Variants in DRD2 observed in about 807,000 individuals in gnomAD.
DRD2 encodes D(2) dopamine receptor.
In DRD2, 8 loss-of-function variants were observed where a neutral mutation model predicts 38.0. The ratio of observed to expected loss-of-function variants is 0.21; its 90% CI spans 0.12 to 0.38. The LOEUF is 0.38. Ranked by LOEUF, DRD2 falls within the 10% of genes least tolerant of loss-of-function variation. The probability of loss-of-function intolerance (pLI) is 1.00; values close to 1 mark genes in which losing one functional copy is unlikely to be tolerated. For synonymous variants in DRD2, 230 were observed against 238.6 expected (o/e 0.96, Z 0.33); for missense variants, 403 against 607.7 (o/e 0.66, Z 3.54).
intron 1 of DRD2, among the ~76,000 whole-genome samples, chr11:113,452,575 T>G (rs537131600): frequency 6.6e-6 from 1 of 151,664 alleles, no homozygotes; most frequent in East Asian, 2.0e-4. Context: ...TCTTCTGGAA[T>G]TCTTCCCTGA....
chr11:113,424,769 A>G, intron 1 of DRD2, 87 bp from the exon 2 acceptor site: 6 of 1,325,262 alleles, frequency 4.5e-6, no homozygotes, highest in Non-Finnish European at 6.3e-6. Flanking sequence ...GGCATTTAAT[A>G]ATGAGAATTT....
At chr11:113,442,292 A>G (rs1420510810) in intron 1 of DRD2, among the ~76,000 whole-genome samples, 1 of 152,170 alleles carries the variant, frequency 6.6e-6, no homozygotes, top group Non-Finnish European at 1.5e-5. Flanking sequence ...GGTTTCACTC[A>G]GTTTACATTA....
At chr11:113,427,524 A>G (rs1419087436) in intron 1 of DRD2, among the ~76,000 whole-genome samples, 1 of 152,180 alleles carries the variant, frequency 6.6e-6, no homozygotes, top group Non-Finnish European at 1.5e-5. Context: ...GAATGAACAA[A>G]TAAAAACCAT....
At chr11:113,426,217 T>G (rs1161389282) in intron 1 of DRD2, among the ~76,000 whole-genome samples, 1 of 151,830 alleles carries the variant, frequency 6.6e-6, no homozygotes, top group Non-Finnish European at 1.5e-5. Flanking sequence ...AGCAGGGAGA[T>G]AAGGAGTTGA....
chr11:113,420,261 T>C (rs1950872881), intron 2 of DRD2, among the ~76,000 whole-genome samples: 1 of 152,230 alleles, frequency 6.6e-6, no homozygotes. Context: ...CAAATTACTG[T>C]GTTCCAGCCT....
At position 113,416,867 on chromosome 11, in the gene DRD2, G is replaced by A. The variant is rs533098066; in HGVS notation, c.528C>T (p.Asn176=). The A allele has an allele frequency of 5.3e-5, 86 of 1,613,934 alleles. No individual in the cohort carries two copies. The highest frequency in any genetic ancestry group is 6.0e-5 in the Non-Finnish European group (71 of 1,179,896). The stretch of plus-strand genomic sequence containing the variant: ...GCAAACAAAAGCAGAATGTACCTGC[G>A]TTATTGAGTCCGAAGAGGAGTGGGC... ...ISCPLLFGLN[N]ADQNECIIAN... The change falls in exon 4 of 8, where the codon AAC becomes AAT. Residue 176 remains asparagine (N), a synonymous_variant. Transcript: ENST00000362072.
At chr11:113,413,985 T>G in intron 6 of DRD2, 1 of 329,382 alleles carries the variant, frequency 3.0e-6, no homozygotes, top group Non-Finnish European at 6.0e-6. Context: ...GACGGGTGAG[T>G]TGCCTAATCT....
intron 1 of DRD2, among the ~76,000 whole-genome samples, chr11:113,447,392 C>T (rs534177716): frequency 6.6e-6 from 1 of 150,702 alleles, no homozygotes; most frequent in South Asian, 2.1e-4. Context: ...ACACAGAATG[C>T]TTGGTATGGG....
chr11:113,421,090 C>A (rs1008628047), intron 2 of DRD2, among the ~76,000 whole-genome samples: 5 of 152,146 alleles, frequency 3.3e-5, no homozygotes, highest in Non-Finnish European at 7.3e-5. Context: ...AATGACATAA[C>A]CACCTCTCCT....
In DRD2 at chr11:113,412,875, G is replaced by C; in HGVS notation, c.819C>G (p.Ala273=). The change falls in exon 7 of 8, where the codon GCC becomes GCG. Residue 273 remains alanine (A), a synonymous_variant. Transcript: ENST00000362072. ...FPVNRRRVEA[A]RRAQELEMEM... ...CCATCTCCAGCTCCTGGGCTCGCCG[G>C]GCAGCCTCCTGCACCAGAGGCAGAG... 1.2e-6 allele frequency: 2 copies of C among 1,611,238 alleles called. No homozygotes were observed. The highest frequency in any genetic ancestry group is 1.7e-6 in the Non-Finnish European group (2 of 1,179,768).
chr11:113,451,868 T>G (rs1319922127), intron 1 of DRD2, among the ~76,000 whole-genome samples: 1 of 152,246 alleles, frequency 6.6e-6, no homozygotes, highest in Non-Finnish European at 1.5e-5. Flanking sequence ...AACAGATTTT[T>G]AATCTTTTGA....
chr11:113,449,032 T>C (rs534324811), intron 1 of DRD2, among the ~76,000 whole-genome samples: 14 of 152,192 alleles, frequency 9.2e-5, no homozygotes, highest in Non-Finnish European at 1.6e-4. Flanking sequence ...AAGGGAAAAG[T>C]CCAGATTCTT....
At chr11:113,415,136 G>C (rs754260438) in intron 5 of DRD2, among the ~76,000 whole-genome samples, 1 of 152,084 alleles carries the variant, frequency 6.6e-6, no homozygotes, top group Non-Finnish European at 1.5e-5. Flanking sequence ...AGGAGCCCAC[G>C]GGGGTACCAA....
intron 6 of DRD2, among the ~76,000 whole-genome samples, chr11:113,413,589 C>A (rs1441261220): frequency 6.6e-6 from 1 of 152,260 alleles, no homozygotes; most frequent in Non-Finnish European, 1.5e-5. Flanking sequence ...TTGGCCCTGA[C>A]TCTGAGGCTC....
chr11:113,443,645 G>A (rs141847817), intron 1 of DRD2, among the ~76,000 whole-genome samples: 183 of 152,306 alleles, frequency 1.2e-3, no homozygotes, highest in Admixed American at 3.0e-3. Flanking sequence ...CAGCTCGCCA[G>A]GCAGTTAGTC....
At chr11:113,434,056 C>G (rs1156486622) in intron 1 of DRD2, among the ~76,000 whole-genome samples, 1 of 152,164 alleles carries the variant, frequency 6.6e-6, no homozygotes, top group Non-Finnish European at 1.5e-5. Flanking sequence ...CCTTCTCACC[C>G]TTCAGGACTA....
intron 1 of DRD2, among the ~76,000 whole-genome samples, chr11:113,428,703 C>T (rs1950960563): frequency 6.6e-6 from 1 of 152,190 alleles, no homozygotes; most frequent in African/African-American, 2.4e-5. Context: ...TAGCTCACTG[C>T]AGCCTCAACT....
chr11:113,452,513 C>T (rs1013954716), intron 1 of DRD2, among the ~76,000 whole-genome samples: 1 of 150,412 alleles, frequency 6.6e-6, no homozygotes, highest in African/African-American at 2.5e-5. Context: ...AAATGAGACA[C>T]TGCTGATTCA....
At chr11:113,467,269 G>A (rs904270706) in intron 1 of DRD2, among the ~76,000 whole-genome samples, 4 of 152,188 alleles carry the variant, frequency 2.6e-5, no homozygotes, top group African/African-American at 9.6e-5. Flanking sequence ...AGCATTTGTA[G>A]CTGGCCAGAA....
Sources: allele counts gnomAD v4.1 joint callset (sites outside exome capture counted in the v4.1 genomes callset), GRCh38; gene constraint gnomAD v4.1.1; transcripts MANE v1.5; gene names NCBI Gene and HGNC (gene_info 2026-07-23, HGNC 2026-07-21).